ZNF385D: variants seen among roughly 807,000 people sequenced by gnomAD.
ZNF385D encodes zinc finger protein 385D, also known as zinc finger protein 659.
Under a neutral mutation model 35.8 loss-of-function variants are expected in ZNF385D, and 15 were observed. The observed-to-expected ratio is 0.42, with a 90% CI of 0.28 to 0.64. The LOEUF is 0.64. Ranked by LOEUF, ZNF385D falls within the 30% of genes least tolerant of loss-of-function variation. The probability of loss-of-function intolerance (pLI) is 0.23; values close to 1 mark genes in which losing one functional copy is unlikely to be tolerated. For synonymous variants in ZNF385D, 212 were observed against 186.8 expected (o/e 1.13, Z -1.10); for missense variants, 474 against 494.6 (o/e 0.96, Z 0.39).
chr3:21,577,509 T>A (rs2063528288), intron 2 of ZNF385D, among the ~76,000 whole-genome samples: 1 of 152,238 alleles, frequency 6.6e-6, no homozygotes, highest in Admixed American at 6.5e-5. Context: ...ATTTCCTTTC[T>A]TCTGGATATA....
At chr3:21,599,163 C>T (rs1343638663) in intron 2 of ZNF385D, among the ~76,000 whole-genome samples, 5 of 152,150 alleles carry the variant, frequency 3.3e-5, no homozygotes, top group African/African-American at 4.8e-5. Context: ...AGACTGACAT[C>T]CAGTCCTCTC....
At chr3:22,268,168 G>A (rs1478178540) in intron 2 of ZNF385D, among the ~76,000 whole-genome samples, 1 of 151,924 alleles carries the variant, frequency 6.6e-6, no homozygotes, top group Non-Finnish European at 1.5e-5. Context: ...TGTTGCTACT[G>A]CATGGATGAC....
chr3:22,212,391 A>G (rs980026683), intron 2 of ZNF385D, among the ~76,000 whole-genome samples: 4 of 152,006 alleles, frequency 2.6e-5, no homozygotes, highest in African/African-American at 9.7e-5. Flanking sequence ...ATGGTTTCAA[A>G]TTGAGAAGAT....
chr3:21,796,902 G>C (rs973385697), intron 3 of ZNF385D, among the ~76,000 whole-genome samples: 7 of 152,140 alleles, frequency 4.6e-5, no homozygotes, highest in Non-Finnish European at 1.0e-4. Context: ...ACAGGACTCT[G>C]AGTTCCCACC....
At chr3:21,948,350 C>T (rs1048138376) in intron 3 of ZNF385D, among the ~76,000 whole-genome samples, 1 of 151,498 alleles carries the variant, frequency 6.6e-6, no homozygotes, top group Non-Finnish European at 1.5e-5. Flanking sequence ...CATTCTGAAC[C>T]CAGAAACTCT....
chr3:21,863,399 C>A (rs1697165065), intron 3 of ZNF385D, among the ~76,000 whole-genome samples: 1 of 152,032 alleles, frequency 6.6e-6, no homozygotes, highest in African/African-American at 2.4e-5. Context: ...TATTTGTTGA[C>A]TGCATGGAAA....
At chr3:21,747,311 TAA>T (rs1344088197) in intron 1 of ZNF385D, among the ~76,000 whole-genome samples, 1 of 152,234 alleles carries the variant, frequency 6.6e-6, no homozygotes, top group African/African-American at 2.4e-5. Context: ...TAATTCTGTT[TAA>T]AGTGTATCAT....
chr3:21,574,413 A>G (rs1575222753), intron 2 of ZNF385D, among the ~76,000 whole-genome samples: 1 of 152,178 alleles, frequency 6.6e-6, no homozygotes, highest in Admixed American at 6.5e-5. Flanking sequence ...AACTAAAGAT[A>G]CCTCAGAGAC....
chr3:21,879,885 T>A (rs2125861650), intron 3 of ZNF385D, among the ~76,000 whole-genome samples: 1 of 152,092 alleles, frequency 6.6e-6, no homozygotes, highest in South Asian at 2.1e-4. Flanking sequence ...TGGTTTCATC[T>A]TTCAAGGAAA....
intron 3 of ZNF385D, among the ~76,000 whole-genome samples, chr3:21,813,845 C>G (rs2073037186): frequency 1.3e-5 from 2 of 152,046 alleles, no homozygotes; most frequent in African/African-American, 4.8e-5. Flanking sequence ...TCAGGAAATA[C>G]AGAGAATGCC....
intron 3 of ZNF385D, among the ~76,000 whole-genome samples, chr3:21,977,858 C>CA (rs1487083466): frequency 6.6e-6 from 1 of 151,792 alleles, no homozygotes; most frequent in Non-Finnish European, 1.5e-5. Context: ...AACAAACAAA[C>CA]AAAAAAGATG....
chr3:21,488,609 ACTCT>A (rs200355748), intron 4 of ZNF385D, among the ~76,000 whole-genome samples: 1 of 151,916 alleles, frequency 6.6e-6, no homozygotes, highest in Non-Finnish European at 1.5e-5. Context: ...AGTGAATTTG[ACTCT>A]CTCTGTGAGA....
In ZNF385D at chr3:21,816,413, T is replaced by C. The variant is rs370612894; in HGVS notation, c.326-151385A>G. ...TTGTTCCTGTGTGCAGATGACATGA[T>C]TGTATATCTAGAAAACCCCATTGTC... On this transcript the variant is annotated intron_variant, in intron 3 of 5. Transcript: ENST00000494108. Among the ~76,000 whole-genome samples, 27 of 152,314 alleles carry C rather than the reference T, an allele frequency of 1.8e-4. 1 individual carries two copies. Among genetic ancestry groups the C allele is most frequent in the Admixed American group, 9.8e-4 (15 of 15,300 alleles).
intron 4 of ZNF385D, 61 bp downstream of exon 4, chr3:21,510,800 C>G: frequency 6.2e-7 from 1 of 1,601,276 alleles, no homozygotes; most frequent in Admixed American, 1.7e-5. Context: ...TGGGGCTAGA[C>G]AAGGGAGGGA....
intron 2 of ZNF385D, among the ~76,000 whole-genome samples, chr3:21,651,599 G>C (rs1028163947): frequency 4.6e-5 from 7 of 150,890 alleles, no homozygotes; most frequent in Admixed American, 1.3e-4. Context: ...AAAACTATTA[G>C]AATAATGCCA....
At chr3:22,180,234 A>G (rs1367390977) in intron 2 of ZNF385D, among the ~76,000 whole-genome samples, 1 of 152,236 alleles carries the variant, frequency 6.6e-6, no homozygotes, top group Admixed American at 6.5e-5. Context: ...AGACTAAACC[A>G]GGAAGAAGTT....
intron 2 of ZNF385D, among the ~76,000 whole-genome samples, chr3:22,203,908 A>C (rs1696972682): frequency 6.6e-6 from 1 of 152,038 alleles, no homozygotes; most frequent in Admixed American, 6.6e-5. Flanking sequence ...GGCCCAAGGA[A>C]ACTTGTTGCC....
intron 3 of ZNF385D, among the ~76,000 whole-genome samples, chr3:22,048,859 A>T (rs1699172339): frequency 6.6e-6 from 1 of 152,140 alleles, no homozygotes; most frequent in African/African-American, 2.4e-5. Flanking sequence ...ATAATTATTA[A>T]TTCTTTCAAT....
intron 3 of ZNF385D, among the ~76,000 whole-genome samples, chr3:22,049,612 CT>C (rs1271753679): frequency 1.3e-5 from 2 of 152,058 alleles, no homozygotes; most frequent in East Asian, 3.9e-4. Context: ...AGAGGAAAAG[CT>C]TTCAAAATTT....
Sources: gnomAD v4.1 joint callset for allele counts (sites outside exome capture counted in the v4.1 genomes callset) on GRCh38, gnomAD v4.1.1 for gene constraint, MANE v1.5 for transcripts, NCBI Gene and HGNC (gene_info 2026-07-23, HGNC 2026-07-21) for gene names.